ZDHHC11: variants seen among roughly 807,000 people sequenced by gnomAD.
ZDHHC11 encodes palmitoyltransferase ZDHHC11.
Under a neutral mutation model 51.3 loss-of-function variants are expected in ZDHHC11, and 44 were observed. The observed-to-expected ratio is 0.86, with a 90% CI of 0.67 to 1.10. The LOEUF (loss-of-function observed/expected upper bound fraction) is 1.10. Among genes scored for constraint, ZDHHC11 ranks in the 50% least tolerant of loss-of-function variants. ZDHHC11 has a pLI of 0.00. For missense variants in ZDHHC11, 400 were observed against 537.7 expected, an observed-to-expected ratio of 0.74 and a Z score of 2.53; for synonymous variants, 163 against 222.0, an observed-to-expected ratio of 0.73 and a Z score of 2.36.
rs1308385761 is a variant in ZDHHC11, at chr5:835,204, T to A, written c.901-1397A>T. Among the ~76,000 whole-genome samples the A allele has an allele frequency of 2.0e-5, 3 of 150,954 alleles. 1 individual carries two copies. The East Asian group carries it at 5.8e-4, about 29-fold the overall frequency. Reference sequence around the variant, plus strand: ...TTGGGGCTAATTCTTCCGTGGCGAATGAAGTGATCCTGGGTAATCTTTGTA... The same window carrying A: ...TTGGGGCTAATTCTTCCGTGGCGAAAGAAGTGATCCTGGGTAATCTTTGTA... On this transcript the variant is annotated intron_variant, in intron 6 of 12. Transcript: ENST00000283441.
intron 8 of ZDHHC11, among the ~76,000 whole-genome samples, chr5:822,537 A>G (rs1741700518): frequency 1.1e-5 from 1 of 93,592 alleles, no homozygotes; most frequent in African/African-American, 1.0e-4. Context: ...GCTGGCTCAT[A>G]TGATAAGTAC....
chr5:807,373 AGAGCAT>A (rs1440823525), intron 11 of ZDHHC11, among the ~76,000 whole-genome samples: 2 of 151,390 alleles, frequency 1.3e-5, no homozygotes, highest in Admixed American at 1.3e-4. Context: ...AAGAGAATGA[AGAGCAT>A]GAGCGGGGTG....
intron 3 of ZDHHC11, among the ~76,000 whole-genome samples, chr5:847,042 G>A (rs1396420731): frequency 7.1e-6 from 1 of 139,978 alleles, no homozygotes; most frequent in Admixed American, 6.9e-5. Context: ...GTGCTCAGGG[G>A]AAACACCTCT....
intron 9 of ZDHHC11, among the ~76,000 whole-genome samples, chr5:820,145 A>G (rs2150332348): frequency 6.6e-6 from 1 of 151,504 alleles, no homozygotes; most frequent in East Asian, 1.9e-4. Context: ...AATTCCGGTT[A>G]TAGTTACATT....
At chr5:835,644 T>C (rs1336841673) in intron 6 of ZDHHC11, among the ~76,000 whole-genome samples, 2 of 152,074 alleles carry the variant, frequency 1.3e-5, no homozygotes, top group African/African-American at 4.8e-5. Context: ...AGAAGCCTGC[T>C]GGGGTTCAGC....
chr5:846,164 C>T (rs1208788062), intron 3 of ZDHHC11, among the ~76,000 whole-genome samples: 1 of 150,764 alleles, frequency 6.6e-6, no homozygotes, highest in African/African-American at 2.5e-5. Context: ...ACTCGCTGTG[C>T]GGTCATGCAA....
chr5:837,503 A>G (rs1295462345), intron 5 of ZDHHC11, 23 bp from the exon 6 acceptor site: 2 of 1,604,972 alleles, frequency 1.2e-6, no homozygotes, highest in South Asian at 1.1e-5. Flanking sequence ...AAGGAGGAAC[A>G]GGACAAGATA....
At chr5:834,671 C>T (rs1454429545) in intron 6 of ZDHHC11, among the ~76,000 whole-genome samples, 1 of 152,302 alleles carries the variant, frequency 6.6e-6, no homozygotes, top group Non-Finnish European at 1.5e-5. Flanking sequence ...CTGCACTTCA[C>T]AGATACTGTG....
intron 9 of ZDHHC11, 149 bp from the exon 10 acceptor site, chr5:819,761 TG>T: frequency 1.3e-6 from 1 of 751,618 alleles, no homozygotes; most frequent in Non-Finnish European, 2.2e-6. Context: ...CGGGAGGTTG[TG>T]TGAGTGCTCC....
rs1259028122 is a variant in ZDHHC11 at position 831,560 on chromosome 5, G to T, written c.935+2213C>A. Among the ~76,000 whole-genome samples the T allele has an allele frequency of 1.4e-5, 2 of 146,744 alleles. 1 individual carries two copies. Among genetic ancestry groups the T allele is most frequent in the Admixed American group, 1.4e-4 (2 of 14,162 alleles). On this transcript the variant is annotated intron_variant, in intron 7 of 12. Coordinates refer to ENST00000283441, the MANE Select transcript of ZDHHC11 (RefSeq NM_024786.3). Reference sequence around the variant, plus strand: ...ATCATGCCCCTGCACTCCAGCCTGGGTGACAGAGTGAGACTCTGTCTCAAA... The same window carrying T: ...ATCATGCCCCTGCACTCCAGCCTGGTTGACAGAGTGAGACTCTGTCTCAAA...
intron 5 of ZDHHC11, among the ~76,000 whole-genome samples, chr5:838,257 T>A (rs1278633852): frequency 6.6e-6 from 1 of 151,966 alleles, no homozygotes; most frequent in Non-Finnish European, 1.5e-5. Flanking sequence ...CAAAACCTGA[T>A]ACACCCGTTT....
intron 3 of ZDHHC11, among the ~76,000 whole-genome samples, chr5:846,485 C>G (rs1266070362): frequency 1.3e-5 from 2 of 150,648 alleles, no homozygotes; most frequent in East Asian, 3.9e-4. Context: ...GAGCCTCCAC[C>G]GTGCTCAGGG....
chr5:819,873 G>A (rs1004279463), intron 9 of ZDHHC11, among the ~76,000 whole-genome samples: 7 of 151,202 alleles, frequency 4.6e-5, no homozygotes, highest in African/African-American at 1.2e-4. Context: ...TGAAGTCTGC[G>A]AGCCCCACCC....
rs1413508255 is a variant in ZDHHC11 at position 850,404 on chromosome 5, CGT to C, written c.197_198del (p.His66ArgfsTer80). ...TFGIFIPFLP[H>X]AWKYIAYVVT... ...ACCACGTAGGCAATGTATTTCCACGCGTGAGGCAGGAAGGGAATGAAGATCCC... is the reference window on the plus strand; with the variant it reads ...ACCACGTAGGCAATGTATTTCCACGCGAGGCAGGAAGGGAATGAAGATCCC... On this transcript the variant is annotated frameshift_variant, in exon 1 of 13. Transcript: ENST00000283441. LOFTEE classifies it high-confidence loss of function. The C allele has an allele frequency of 6.2e-7, 1 of 1,613,474 alleles. No homozygotes were observed. The highest frequency in any genetic ancestry group is 8.5e-7 in the Non-Finnish European group (1 of 1,180,012).
chr5:856,176 G>C (rs1041533964), intron 1 of ZDHHC11, among the ~76,000 whole-genome samples: 1 of 150,974 alleles, frequency 6.6e-6, no homozygotes, highest in Admixed American at 6.6e-5. Context: ...ATACCACACA[G>C]ACCACGTACC....
intron 7 of ZDHHC11, among the ~76,000 whole-genome samples, chr5:829,896 A>C (rs143072156): frequency 0.01 from 1,560 of 151,138 alleles, 57 homozygotes; most frequent in Non-Finnish European, 0.016. Flanking sequence ...AAAATCAGAG[A>C]TCTCAATAGA....
At chr5:818,668 G>A (rs11134278) in intron 10 of ZDHHC11, among the ~76,000 whole-genome samples, 51,961 of 151,142 alleles carry the variant, frequency 0.34, 14,395 homozygotes, top group African/African-American at 0.76. Flanking sequence ...AAACCAGCAC[G>A]GGCAACAGAG....
rs1491336102 is a variant in ZDHHC11 at position 834,815 on chromosome 5, CAT to C, written c.901-1010_901-1009del. Among the ~76,000 whole-genome samples the C allele has an allele frequency of 2.0e-5, 3 of 151,978 alleles. 1 individual carries two copies. The highest frequency in any genetic ancestry group is 7.2e-5 in the African/African-American group (3 of 41,430). ...CAATAAAGCACTTTTAATTCAGACA[CAT>C]AGTTTTTAGACATAATGCTGTTGCA... On this transcript the variant is annotated intron_variant, in intron 6 of 12. Coordinates refer to ENST00000283441, the MANE Select transcript of ZDHHC11 (RefSeq NM_024786.3).
chr5:837,144 T>C (rs865788580), intron 6 of ZDHHC11, among the ~76,000 whole-genome samples: 8 of 152,224 alleles, frequency 5.3e-5, no homozygotes, highest in Middle Eastern at 3.4e-3. Context: ...TCCTTTCCTA[T>C]CTTTGCACTA....
Sources: gnomAD v4.1 joint callset for allele counts (sites outside exome capture counted in the v4.1 genomes callset) on GRCh38, gnomAD v4.1.1 for gene constraint, MANE v1.5 for transcripts, NCBI Gene and HGNC (gene_info 2026-07-23, HGNC 2026-07-21) for gene names.